The following PHIP variants were observed in gnomAD, a reference collection of about 807,000 sequenced individuals.
The protein encoded by PHIP is PHIP subunit of CUL4-Ring ligase complex.
PHIP carries 54 observed loss-of-function variants against 236.8 expected under a neutral mutation model. That is an observed-to-expected ratio of 0.23 (90% CI 0.18 to 0.29). The LOEUF (loss-of-function observed/expected upper bound fraction) is 0.29, where lower values mean the gene tolerates loss of function less well. Among genes scored for constraint, PHIP ranks in the 10% least tolerant of loss-of-function variants. The pLI is 1.00. For missense variants in PHIP, 1,370 were observed against 2,190.8 expected (o/e 0.63, Z 7.48); for synonymous variants, 756 against 718.9 (o/e 1.05, Z -0.83).
intron 31 of PHIP, among the ~76,000 whole-genome samples, chr6:78,961,358 T>A (rs1006150574): frequency 2.0e-5 from 3 of 151,856 alleles, no homozygotes; most frequent in Non-Finnish European, 4.4e-5. Flanking sequence ...TAGGAGAAAA[T>A]GAAATACCTT....
intron 27 of PHIP, among the ~76,000 whole-genome samples, chr6:78,968,438 T>C (rs1005424265): frequency 6.6e-6 from 1 of 152,080 alleles, no homozygotes; most frequent in Non-Finnish European, 1.5e-5. Context: ...GAAAATACAG[T>C]ATTAGTGGGA....
chr6:79,014,998 G>A, intron 15 of PHIP, 84 bp downstream of exon 15: 2 of 1,091,974 alleles, frequency 1.8e-6, no homozygotes, highest in Non-Finnish European at 2.7e-6. Flanking sequence ...TTTTTAAATG[G>A]ATTTCCTTTG....
intron 24 of PHIP, among the ~76,000 whole-genome samples, chr6:78,974,735 C>T (rs1237479983): frequency 6.6e-6 from 1 of 152,058 alleles, no homozygotes; most frequent in Admixed American, 6.6e-5. Flanking sequence ...TCAGAGAATA[C>T]TACAAACACT....
At chr6:79,013,971 T>C (rs2127739698) in intron 15 of PHIP, among the ~76,000 whole-genome samples, 1 of 151,716 alleles carries the variant, frequency 6.6e-6, no homozygotes, top group Admixed American at 6.6e-5. Context: ...ACAGGTGGCT[T>C]TTTAAAAAAA....
intron 14 of PHIP, 69 bp downstream of exon 14, chr6:79,015,561 C>T: frequency 8.5e-7 from 1 of 1,177,772 alleles, no homozygotes; most frequent in Non-Finnish European, 1.2e-6. Context: ...GACTTTATTC[C>T]TCAATGAGAA....
chr6:78,966,470 ACAAT>A (rs1293130609), intron 27 of PHIP, among the ~76,000 whole-genome samples: 5 of 152,290 alleles, frequency 3.3e-5, no homozygotes, highest in Admixed American at 2.0e-4. Context: ...TCCCCAACCA[ACAAT>A]CAATCAAGAC....
chr6:78,994,854 C>T (rs372116156), intron 19 of PHIP, among the ~76,000 whole-genome samples: 2 of 152,110 alleles, frequency 1.3e-5, no homozygotes, highest in South Asian at 2.1e-4. Flanking sequence ...TGGTTGTTAG[C>T]GTTTTTCAGC....
chr6:78,976,207 C>G (rs1021842418), intron 24 of PHIP, among the ~76,000 whole-genome samples: 1 of 149,152 alleles, frequency 6.7e-6, no homozygotes, highest in Admixed American at 6.7e-5. Flanking sequence ...ACAGAGCCCT[C>G]AGAAATAACG....
chr6:79,025,611 T>C lies in PHIP; in HGVS notation c.831A>G (p.Pro277=), dbSNP rs1211970564. 1.3e-6 allele frequency: 2 copies of C among 1,590,674 alleles called. No homozygotes were observed. The highest frequency in any genetic ancestry group is 3.4e-5 in the Admixed American group (2 of 59,066). ...SASITSLQFS[P]LCSGSKRYLS... The stretch of plus-strand genomic sequence containing the variant: ...GATATCTCTTTGAGCCACTGCACAA[T>C]GGTGAGAACTGAAAAGACAATCACA... The change falls in exon 9 of 40, where the codon CCA becomes CCG. Residue 277 remains proline, a synonymous_variant. Transcript: ENST00000275034.
chr6:78,982,262 G>A (rs1768589732), intron 23 of PHIP, among the ~76,000 whole-genome samples: 1 of 152,024 alleles, frequency 6.6e-6, no homozygotes, highest in Admixed American at 6.6e-5. Flanking sequence ...AGAGCTGACA[G>A]ATATTCTTCC....
At chr6:79,070,024 T>G (rs2127779376) in intron 4 of PHIP, among the ~76,000 whole-genome samples, 1 of 152,190 alleles carries the variant, frequency 6.6e-6, no homozygotes, top group South Asian at 2.1e-4. Flanking sequence ...CTTCCAAATT[T>G]TATTCATCAT....
chr6:79,067,589 C>CT, intron 4 of PHIP: 1 of 152,234 alleles, frequency 6.6e-6, no homozygotes, highest in South Asian at 2.1e-4. Context: ...AAAAACAATT[C>CT]TTTAAAAATG....
At chr6:79,059,608 T>C (rs934180036) in intron 6 of PHIP, among the ~76,000 whole-genome samples, 1 of 116,212 alleles carries the variant, frequency 8.6e-6, no homozygotes, top group Non-Finnish European at 1.9e-5. Flanking sequence ...TATATATATA[T>C]ATATATATAT....
intron 7 of PHIP, among the ~76,000 whole-genome samples, chr6:79,030,994 A>T (rs1461300395): frequency 6.6e-6 from 1 of 151,772 alleles, no homozygotes; most frequent in African/African-American, 2.4e-5. Flanking sequence ...CCCAGGCTGG[A>T]GTATTGTAGT....
Position 78,940,662 on chromosome 6 carries a change from T to C in PHIP, c.*31A>G, listed in dbSNP as rs774481609. The C allele has an allele frequency of 9.3e-6, 14 of 1,505,446 alleles. No homozygotes were observed. Among genetic ancestry groups the C allele is most frequent in the East Asian group, 2.3e-5 (1 of 42,868 alleles). The allele number at this position is 1,505,446 out of a possible 1,614,324, so 93.3% of individuals were successfully genotyped here. ...TTATTCCTTAACTGTACCTGCTTTA[T>C]AGATTTTGAAGTAAAATATTTTGGT... On this transcript the variant is annotated 3_prime_UTR_variant, in exon 40 of 40. Transcript: ENST00000275034.
chr6:78,942,982 G>T (rs1773580460), intron 39 of PHIP, among the ~76,000 whole-genome samples: 1 of 152,100 alleles, frequency 6.6e-6, no homozygotes, highest in East Asian at 1.9e-4. Context: ...GAACGGTGTT[G>T]TCCTGGGCAC....
intron 4 of PHIP, among the ~76,000 whole-genome samples, chr6:79,072,228 T>G (rs1773919900): frequency 6.6e-6 from 1 of 152,190 alleles, no homozygotes; most frequent in African/African-American, 2.4e-5. Context: ...TAAATGTCAT[T>G]TGATGATTAC....
chr6:79,049,896 A>G (rs1772700418), intron 6 of PHIP, among the ~76,000 whole-genome samples: 1 of 152,208 alleles, frequency 6.6e-6, no homozygotes. Flanking sequence ...TAAAGTATTT[A>G]ATAAGGCATA....
In PHIP at chr6:78,945,426, G is replaced by A. The variant is rs1402227452; in HGVS notation, c.4702C>T (p.His1568Tyr). The A allele has an allele frequency of 1.9e-6, 3 of 1,610,992 alleles. No individual in the cohort carries two copies. Among genetic ancestry groups the A allele is most frequent in the Non-Finnish European group, 1.7e-6 (2 of 1,177,240 alleles). Residue 1568 changes from histidine (H) to tyrosine (Y), a missense_variant, in exon 39 of 40, where the codon CAT becomes TAT. His to Tyr is a moderately conservative substitution (Grantham distance 83, BLOSUM62 2). Coordinates refer to ENST00000275034, the MANE Select transcript of PHIP (RefSeq NM_017934.7). Reference protein sequence around the residue: ...LSSPGQSSFSHGTRNNSAKEN... With the variant: ...LSSPGQSSFSYGTRNNSAKEN... ...TTTGCAGAATTATTCCTAGTGCCATGACTAAAACTGGATTGACCAGGACTG... is the reference window on the plus strand; with the variant it reads ...TTTGCAGAATTATTCCTAGTGCCATAACTAAAACTGGATTGACCAGGACTG...
Sources: allele counts gnomAD v4.1 joint callset (sites outside exome capture counted in the v4.1 genomes callset), GRCh38; gene constraint gnomAD v4.1.1; transcripts MANE v1.5; gene names NCBI Gene and HGNC (gene_info 2026-07-23, HGNC 2026-07-21).